Variants in TAFA2 observed in about 807,000 individuals in gnomAD.
TAFA2 encodes chemokine-like protein TAFA-2.
A neutral mutation model predicts 18.8 loss-of-function variants in TAFA2; 7 were observed. That is an observed-to-expected ratio of 0.37 (90% CI 0.21 to 0.70). TAFA2 has a LOEUF of 0.70. TAFA2 is among the 30% of genes least tolerant of loss of function. The probability of loss-of-function intolerance (pLI) is 0.53; values close to 1 mark genes in which losing one functional copy is unlikely to be tolerated. For synonymous variants in TAFA2, 60 were observed against 54.2 expected (o/e 1.11, Z -0.47); for missense variants, 122 against 158.1 (o/e 0.77, Z 1.23).
chr12:61,733,653 C>T (rs1220266667), intron 4 of TAFA2, among the ~76,000 whole-genome samples: 2 of 149,094 alleles, frequency 1.3e-5, no homozygotes, highest in African/African-American at 4.9e-5. Flanking sequence ...GGTACCAGTA[C>T]CATGCTGTTT....
chr12:62,042,432 C>CGTGT (rs71450572), intron 1 of TAFA2, among the ~76,000 whole-genome samples: 9,815 of 143,540 alleles, frequency 0.068, 490 homozygotes, highest in East Asian at 0.17. Flanking sequence ...TGTGTGTGCG[C>CGTGT]GTGTGTGTGT....
chr12:61,803,870 C>A (rs1237071879), intron 2 of TAFA2, among the ~76,000 whole-genome samples: 3 of 151,840 alleles, frequency 2.0e-5, no homozygotes, highest in Non-Finnish European at 2.9e-5. Context: ...CACATGTACC[C>A]TAAAACTTAA....
chr12:62,200,443 GA>G (rs140136811), intron 1 of TAFA2, among the ~76,000 whole-genome samples: 12,864 of 152,056 alleles, frequency 0.085, 680 homozygotes, highest in Middle Eastern at 0.18. Flanking sequence ...AAGGTGTAAG[GA>G]AAGGGTCCAG....
chr12:61,983,430 A>C (rs902049297), intron 1 of TAFA2, among the ~76,000 whole-genome samples: 1 of 120,578 alleles, frequency 8.3e-6, no homozygotes, highest in African/African-American at 2.8e-5. Context: ...TTGTTTTGGG[A>C]CAGAGTCTCA....
chr12:62,143,992 G>C (rs929275683), intron 1 of TAFA2, among the ~76,000 whole-genome samples: 6 of 146,524 alleles, frequency 4.1e-5, no homozygotes, highest in Non-Finnish European at 8.9e-5. Context: ...AGGCTGCAGT[G>C]AGCTGAGATC....
chr12:62,135,974 C>T (rs1870881110), intron 1 of TAFA2: 1 of 152,016 alleles, frequency 6.6e-6, no homozygotes, highest in Non-Finnish European at 1.5e-5. Context: ...GAGAAGAATG[C>T]TCTTTTTTAT....
At chr12:61,844,890 T>TTGTG (rs976088338) in intron 2 of TAFA2, among the ~76,000 whole-genome samples, 1 of 151,950 alleles carries the variant, frequency 6.6e-6, no homozygotes, top group Non-Finnish European at 1.5e-5. Flanking sequence ...AATATAGACA[T>TTGTG]TGTGTGTGTG....
intron 2 of TAFA2, among the ~76,000 whole-genome samples, chr12:61,787,902 T>C (rs1275212731): frequency 6.6e-6 from 1 of 151,580 alleles, no homozygotes; most frequent in Admixed American, 6.6e-5. Context: ...TTAAAAGATA[T>C]AGAGCGGTCA....
intron 1 of TAFA2, among the ~76,000 whole-genome samples, chr12:62,227,450 T>G (rs965275615): frequency 1.3e-5 from 2 of 152,194 alleles, no homozygotes; most frequent in Admixed American, 1.3e-4. Flanking sequence ...GCTCTGCAGA[T>G]CTTTTGCCCA....
chr12:62,171,651 C>G (rs2062478891), intron 1 of TAFA2, among the ~76,000 whole-genome samples: 1 of 152,172 alleles, frequency 6.6e-6, no homozygotes, highest in African/African-American at 2.4e-5. Flanking sequence ...AAGGAACCGT[C>G]CCTCACCAGA....
chr12:62,251,690 C>T (rs1350005189), intron 1 of TAFA2, among the ~76,000 whole-genome samples: 1 of 152,168 alleles, frequency 6.6e-6, no homozygotes, highest in African/African-American at 2.4e-5. Flanking sequence ...CCCACTGAAG[C>T]TAGATTGCTC....
At chr12:61,941,199 C>G (rs1320259186) in intron 1 of TAFA2, among the ~76,000 whole-genome samples, 1 of 151,780 alleles carries the variant, frequency 6.6e-6, no homozygotes, top group African/African-American at 2.4e-5. Context: ...AAAACAGTAC[C>G]AAAACAAAAA....
chr12:62,022,092 G>T, intron 1 of TAFA2: 1 of 526,330 alleles, frequency 1.9e-6, no homozygotes, highest in Admixed American at 2.2e-5. Flanking sequence ...GCAGCAGTCA[G>T]TTCCCCAACC....
chr12:62,034,812 T>A (rs1468241081), intron 1 of TAFA2, among the ~76,000 whole-genome samples: 1 of 152,190 alleles, frequency 6.6e-6, no homozygotes, highest in Non-Finnish European at 1.5e-5. Context: ...AGCATCAATA[T>A]AATTTTAAAT....
intron 1 of TAFA2, among the ~76,000 whole-genome samples, chr12:61,871,076 T>A (rs752259961): frequency 7.2e-5 from 11 of 151,978 alleles, no homozygotes; most frequent in Non-Finnish European, 1.5e-4. Flanking sequence ...GTGTGTGTCA[T>A]CTCTCTAGAT....
chr12:62,165,939 TCACACACACA>T (rs34593506), intron 1 of TAFA2, among the ~76,000 whole-genome samples: 2 of 139,364 alleles, frequency 1.4e-5, no homozygotes, highest in South Asian at 2.4e-4. Context: ...TCTCTCTCTC[TCACACACACA>T]CACACACACA....
At chr12:61,733,041 G>C (rs957283578) in intron 4 of TAFA2, among the ~76,000 whole-genome samples, 1 of 151,964 alleles carries the variant, frequency 6.6e-6, no homozygotes, top group Non-Finnish European at 1.5e-5. Flanking sequence ...CCATGTCTTG[G>C]CTTTTAGGGG....
rs146246313 is a variant in TAFA2, at chr12:62,004,142, T to C, written c.-1-136716A>G. Among the ~76,000 whole-genome samples, 259 of 152,180 alleles carry C rather than the reference T, an allele frequency of 1.7e-3. 1 individual carries two copies. The highest frequency in any genetic ancestry group is 6.0e-3 in the African/African-American group (248 of 41,556). On this transcript the variant is annotated intron_variant, in intron 1 of 4. Coordinates refer to ENST00000416284, the MANE Select transcript of TAFA2 (RefSeq NM_178539.5). ...TAAGCAAAAATACAAAATAAATAAA[T>C]TATAAAGGTATTATTTTATCTTAAA... is the stretch of plus-strand genomic sequence containing the variant.
chr12:62,191,228 G>GC (rs1308710533), intron 1 of TAFA2, 31 bp downstream of exon 1: 1 of 152,074 alleles, frequency 6.6e-6, no homozygotes, highest in Non-Finnish European at 1.5e-5. Flanking sequence ...CCCAGCGCTG[G>GC]CCGGCGACCC....
Sources: allele counts gnomAD v4.1 joint callset (sites outside exome capture counted in the v4.1 genomes callset), GRCh38; gene constraint gnomAD v4.1.1; transcripts MANE v1.5; gene names NCBI Gene and HGNC (gene_info 2026-07-23, HGNC 2026-07-21).